The following RBMS3 variants were observed in gnomAD, a reference collection of about 807,000 sequenced individuals.
RBMS3 encodes the protein RNA-binding motif, single-stranded-interacting protein 3.
Under a neutral mutation model 66.8 loss-of-function variants are expected in RBMS3, and 27 were observed. The observed-to-expected ratio is 0.40, with a 90% confidence interval of 0.30 to 0.56. The LOEUF (loss-of-function observed/expected upper bound fraction) is 0.56. RBMS3 is among the 20% of genes least tolerant of loss of function. The pLI is 0.40. For synonymous variants in RBMS3, 188 were observed against 183.0 expected, an observed-to-expected ratio of 1.03 and a Z score of -0.22; for missense variants, 513 against 549.5, an observed-to-expected ratio of 0.93 and a Z score of 0.66.
chr3:29,663,729 T>A (rs1005167100), intron 4 of RBMS3, among the ~76,000 whole-genome samples: 8 of 151,658 alleles, frequency 5.3e-5, no homozygotes, highest in African/African-American at 1.5e-4. Context: ...TCTACTATGA[T>A]CAGACATTCG....
At chr3:29,294,402 C>G (rs1282494417) in intron 1 of RBMS3, among the ~76,000 whole-genome samples, 2 of 149,984 alleles carry the variant, frequency 1.3e-5, no homozygotes, top group Non-Finnish European at 1.5e-5. Context: ...TGGGAAAAAC[C>G]ATAAAACACA....
At chr3:29,374,301 A>C (rs536933050) in intron 1 of RBMS3, among the ~76,000 whole-genome samples, 1 of 152,348 alleles carries the variant, frequency 6.6e-6, no homozygotes, top group Admixed American at 6.5e-5. Flanking sequence ...GGTTTGCTAC[A>C]GGTAGCTCAG....
chr3:29,669,426 A>G (rs761845953), intron 4 of RBMS3, among the ~76,000 whole-genome samples: 6 of 152,232 alleles, frequency 3.9e-5, no homozygotes, highest in Non-Finnish European at 8.8e-5. Context: ...ACAGAAAGTC[A>G]TCTATCTAAG....
chr3:29,669,598 T>C (rs2149243679), intron 4 of RBMS3, among the ~76,000 whole-genome samples: 1 of 152,312 alleles, frequency 6.6e-6, no homozygotes, highest in East Asian at 1.9e-4. Context: ...AGATAAAAAT[T>C]ATTGATTTAA....
At chr3:29,568,131 ATTGG>A in intron 3 of RBMS3, among the ~76,000 whole-genome samples, 1 of 152,154 alleles carries the variant, frequency 6.6e-6, no homozygotes, top group Non-Finnish European at 1.5e-5. Context: ...CATTCTTCAC[ATTGG>A]TTACCTGCTT....
chr3:29,423,240 C>G (rs1162521582), intron 1 of RBMS3, among the ~76,000 whole-genome samples: 2 of 152,196 alleles, frequency 1.3e-5, no homozygotes, highest in African/African-American at 4.8e-5. Context: ...GACACATTTA[C>G]TCTGTACCTA....
At chr3:29,640,314 A>T (rs559904747) in intron 4 of RBMS3, among the ~76,000 whole-genome samples, 4 of 151,616 alleles carry the variant, frequency 2.6e-5, no homozygotes, top group Non-Finnish European at 4.4e-5. Flanking sequence ...CGGAAAGAAA[A>T]CAGCAAAAGG....
chr3:29,615,839 A>T (rs2048651738), intron 4 of RBMS3: 2 of 152,246 alleles, frequency 1.3e-5, no homozygotes, highest in Non-Finnish European at 2.9e-5. Context: ...TAAATAAAAC[A>T]TCTCTCTTAT....
chr3:29,754,554 C>G (rs1035599281), intron 5 of RBMS3, among the ~76,000 whole-genome samples: 14 of 152,148 alleles, frequency 9.2e-5, no homozygotes, highest in African/African-American at 3.4e-4. Context: ...TATCAGGACT[C>G]CAGCTGTCAG....
rs116367418 is a variant in RBMS3, at chr3:29,420,113, G to A, written c.76-14630G>A. ...ATGTTAGTAAAGATACTTTAATTGC[G>A]GGGAGTTCTCTGTTGGCTGGTGAAT... On this transcript the variant is annotated intron_variant, in intron 1 of 14. Coordinates refer to ENST00000383767, the MANE Select transcript of RBMS3 (RefSeq NM_001003793.3). Among the ~76,000 whole-genome samples the A allele has an allele frequency of 1.2e-3, 187 of 152,198 alleles. 1 individual carries two copies. Among genetic ancestry groups the A allele is most frequent in the African/African-American group, 6.0e-4 (25 of 41,532 alleles).
intron 4 of RBMS3, among the ~76,000 whole-genome samples, chr3:29,680,318 T>C (rs2051433591): frequency 1.3e-5 from 2 of 152,234 alleles, no homozygotes; most frequent in Admixed American, 1.3e-4. Flanking sequence ...TGGGTTAAGA[T>C]ACATTAACTT....
chr3:29,766,864 G>A (rs1203534291), intron 6 of RBMS3: 1 of 151,910 alleles, frequency 6.6e-6, no homozygotes, highest in Non-Finnish European at 1.5e-5. Context: ...AGTGTCAATC[G>A]TTTGAGTGTT....
chr3:29,739,253 G>A (rs6775770), intron 4 of RBMS3, among the ~76,000 whole-genome samples: 86,633 of 151,392 alleles, frequency 0.57, 25,544 homozygotes, highest in African/African-American at 0.72. Context: ...GGAGGAGATG[G>A]AGACCATCCT....
chr3:29,939,848 A>G (rs1474364008), intron 11 of RBMS3, among the ~76,000 whole-genome samples: 4 of 151,882 alleles, frequency 2.6e-5, no homozygotes, highest in Non-Finnish European at 5.9e-5. Flanking sequence ...AGACTCATTT[A>G]TCCAACTACT....
intron 3 of RBMS3, among the ~76,000 whole-genome samples, chr3:29,535,410 A>T (rs1414965800): frequency 6.6e-6 from 1 of 152,176 alleles, no homozygotes; most frequent in African/African-American, 2.4e-5. Flanking sequence ...TTAAACTGTA[A>T]TGAAACTGTT....
intron 4 of RBMS3, among the ~76,000 whole-genome samples, chr3:29,709,304 G>A (rs897592758): frequency 6.6e-6 from 1 of 152,124 alleles, no homozygotes; most frequent in Non-Finnish European, 1.5e-5. Flanking sequence ...ATGTTTGGTA[G>A]CTCTTGTTAG....
intron 3 of RBMS3, among the ~76,000 whole-genome samples, chr3:29,553,663 C>A (rs1282067138): frequency 2.6e-5 from 4 of 152,058 alleles, no homozygotes; most frequent in Admixed American, 1.3e-4. Context: ...CCTAGTGATG[C>A]ACCAGTGTAC....
chr3:29,572,487 A>G (rs939948611), intron 3 of RBMS3, among the ~76,000 whole-genome samples: 4 of 152,012 alleles, frequency 2.6e-5, no homozygotes, highest in Non-Finnish European at 5.9e-5. Flanking sequence ...GAGATGTTCA[A>G]TTTTTTCAAA....
rs181197325 is a variant in RBMS3 at position 29,282,763 on chromosome 3, C to T, written c.75+1007C>T. On this transcript the variant is annotated intron_variant, in intron 1 of 14. Transcript: ENST00000383767. ...ATAAATATGCCGAGAGTGAACAAGGCGTGCCTGAATGATCTATGCTGTCAC... is the reference window on the plus strand; with the variant it reads ...ATAAATATGCCGAGAGTGAACAAGGTGTGCCTGAATGATCTATGCTGTCAC... 1.0e-3 allele frequency among the ~76,000 whole-genome samples: 156 copies of T among 152,146 alleles called. 3 individuals are homozygous for T. The East Asian group carries it at 0.025, about 24-fold the overall frequency.
Sources: gnomAD v4.1 joint callset for allele counts (sites outside exome capture counted in the v4.1 genomes callset) on GRCh38, gnomAD v4.1.1 for gene constraint, MANE v1.5 for transcripts, NCBI Gene and HGNC (gene_info 2026-07-23, HGNC 2026-07-21) for gene names.